Variants in ODAD2 observed in about 807,000 individuals in gnomAD.
ODAD2 encodes outer dynein arm docking complex subunit 2.
A neutral mutation model predicts 106.8 loss-of-function variants in ODAD2; 89 were observed. The observed-to-expected ratio is 0.83, with a 90% CI of 0.70 to 0.99. The LOEUF is 0.99. Ranked by LOEUF, ODAD2 falls within the 50% of genes least tolerant of loss-of-function variation. The pLI is 0.00. For synonymous variants in ODAD2, 404 were observed against 436.2 expected (o/e 0.93, Z 0.92); for missense variants, 1,168 against 1,238.5 (o/e 0.94, Z 0.85).
intron 10 of ODAD2, among the ~76,000 whole-genome samples, chr10:27,952,397 T>A (rs1298727403): frequency 2.0e-5 from 3 of 151,710 alleles, no homozygotes; most frequent in African/African-American, 4.8e-5. Flanking sequence ...TTATTTTATT[T>A]TTTTTTTTTA....
In ODAD2 at chr10:27,961,639, G is replaced by T; in HGVS notation, c.1315C>A (p.His439Asn). ...AAATCTGCACTTGCTTCCTGACGAT[G>T]GTCAGGTGGTTCTTCATCTTCCTCA... ...ESEEDEEPPD[H>N]RQEASADLPS... Residue 439 changes from histidine to asparagine, a missense_variant, in exon 10 of 20, where the codon CAT becomes AAT. His to Asn is a moderately conservative substitution (Grantham distance 68, BLOSUM62 1). Transcript: ENST00000305242. The T allele has an allele frequency of 6.2e-7, 1 of 1,602,990 alleles. No homozygotes were observed. Among genetic ancestry groups the T allele is most frequent in the Non-Finnish European group, 8.5e-7 (1 of 1,170,194 alleles).
At chr10:27,884,232 G>A (rs1329333997) in intron 17 of ODAD2, among the ~76,000 whole-genome samples, 1 of 152,146 alleles carries the variant, frequency 6.6e-6, no homozygotes, top group Non-Finnish European at 1.5e-5. Flanking sequence ...ATCAGAAAGT[G>A]TAGAGATGTT....
At chr10:27,887,600 TA>T (rs561090984) in intron 17 of ODAD2, among the ~76,000 whole-genome samples, 135 of 151,906 alleles carry the variant, frequency 8.9e-4, no homozygotes, top group African/African-American at 3.2e-3. Context: ...TCTTTAAAAA[TA>T]AAAAATATTG....
intron 7 of ODAD2, among the ~76,000 whole-genome samples, chr10:27,975,441 G>A (rs1187917212): frequency 6.6e-6 from 1 of 151,998 alleles, no homozygotes; most frequent in Non-Finnish European, 1.5e-5. Flanking sequence ...GAATGAGAGA[G>A]GTAACAATGA....
At chr10:27,886,680 T>C (rs554954689) in intron 17 of ODAD2, among the ~76,000 whole-genome samples, 1 of 152,156 alleles carries the variant, frequency 6.6e-6, no homozygotes, top group Admixed American at 6.5e-5. Flanking sequence ...GACAAATGCA[T>C]AAAAATTATG....
At chr10:27,870,342 T>C (rs1207627613) in intron 17 of ODAD2, among the ~76,000 whole-genome samples, 1 of 152,002 alleles carries the variant, frequency 6.6e-6, no homozygotes, top group Non-Finnish European at 1.5e-5. Flanking sequence ...TTTGAATCTG[T>C]TATTTTCTTT....
At chr10:27,867,108 C>T (rs183195641) in intron 17 of ODAD2, among the ~76,000 whole-genome samples, 45 of 152,122 alleles carry the variant, frequency 3.0e-4, no homozygotes, top group African/African-American at 9.6e-4. Context: ...GGACAATATA[C>T]ACCATAGTAG....
At position 27,880,505 on chromosome 10, in the gene ODAD2, C is replaced by T. The variant is rs7916427; in HGVS notation, c.2611-17883G>A. ...ATGCTATGGTTTGAATGTTTATGTC[C>T]CCTCAAAATTCATGTGTTGAAACTT... On this transcript the variant is annotated intron_variant, in intron 17 of 19. Coordinates refer to ENST00000305242, the MANE Select transcript of ODAD2 (RefSeq NM_018076.5). Among the ~76,000 whole-genome samples, 1,491 of 152,088 alleles carry T rather than the reference C, an allele frequency of 9.8e-3. 10 individuals carry two copies. The highest frequency in any genetic ancestry group is 0.016 in the Non-Finnish European group (1,088 of 67,996).
chr10:27,924,614 G>GAAAAAAAA (rs60226782), intron 16 of ODAD2, among the ~76,000 whole-genome samples: 19 of 12,650 alleles, frequency 1.5e-3, no homozygotes, highest in Non-Finnish European at 2.0e-3. Flanking sequence ...TGATTAGGAG[G>GAAAAAAAA]AAAAAAAAAA....
chr10:27,835,062 T>C (rs925558197), intron 19 of ODAD2, among the ~76,000 whole-genome samples: 34 of 152,166 alleles, frequency 2.2e-4, no homozygotes, highest in Admixed American at 2.0e-4. Flanking sequence ...TCCGTACTTG[T>C]AGACATCGCG....
At chr10:27,824,134 G>A (rs1421359575) in intron 19 of ODAD2, among the ~76,000 whole-genome samples, 11 of 64,690 alleles carry the variant, frequency 1.7e-4, no homozygotes, top group Middle Eastern at 0.017. Context: ...GCGAGACTCC[G>A]TCTCAAAAAA....
At chr10:27,910,494 G>A (rs1049457532) in intron 16 of ODAD2, among the ~76,000 whole-genome samples, 2 of 152,038 alleles carry the variant, frequency 1.3e-5, no homozygotes, top group East Asian at 1.9e-4. Flanking sequence ...GGTGGCTCAC[G>A]CCTGTAATCC....
chr10:27,944,105 C>T, intron 12 of ODAD2, 117 bp downstream of exon 12: 2 of 841,564 alleles, frequency 2.4e-6, no homozygotes, highest in East Asian at 2.7e-5. Flanking sequence ...AGACAGAAGG[C>T]TCCTGGAACA....
intron 17 of ODAD2, among the ~76,000 whole-genome samples, chr10:27,864,815 A>C (rs1424100401): frequency 1.3e-5 from 2 of 152,120 alleles, no homozygotes; most frequent in Admixed American, 6.5e-5. Context: ...CATCTTTTGC[A>C]TCCCAACGGC....
At chr10:27,959,201 GGGGAGGGGA>G (rs1847939618) in intron 10 of ODAD2, among the ~76,000 whole-genome samples, 1 of 59,156 alleles carries the variant, frequency 1.7e-5, no homozygotes, top group Non-Finnish European at 3.5e-5. Context: ...GAGGAGGGGA[GGGGAGGGGA>G]GGGGAGGGGA....
intron 19 of ODAD2, among the ~76,000 whole-genome samples, chr10:27,833,724 G>A (rs1325328591): frequency 6.6e-6 from 1 of 152,192 alleles, no homozygotes; most frequent in East Asian, 1.9e-4. Flanking sequence ...TCCTGGAAAT[G>A]CAGGAGTAGA....
At chr10:27,831,102 G>A (rs140153798) in intron 19 of ODAD2, among the ~76,000 whole-genome samples, 9 of 152,232 alleles carry the variant, frequency 5.9e-5, no homozygotes, top group Non-Finnish European at 1.0e-4. Context: ...GGAGGCCAAC[G>A]GCCCAGGAGA....
chr10:27,981,867 G>A (rs1276361082), intron 6 of ODAD2: 1 of 195,488 alleles, frequency 5.1e-6, no homozygotes, highest in East Asian at 1.4e-4. Flanking sequence ...GTTCAGCAGA[G>A]AAGTGAGAGC....
chr10:27,845,748 C>CA (rs975929155), intron 19 of ODAD2, among the ~76,000 whole-genome samples: 3 of 151,576 alleles, frequency 2.0e-5, no homozygotes, highest in African/African-American at 7.3e-5. Flanking sequence ...AAATGGAAAA[C>CA]AAAAAAAGGC....
Sources: allele counts gnomAD v4.1 joint callset (sites outside exome capture counted in the v4.1 genomes callset), GRCh38; gene constraint gnomAD v4.1.1; transcripts MANE v1.5; gene names NCBI Gene and HGNC (gene_info 2026-07-23, HGNC 2026-07-21).